The following AKT3 variants were observed in gnomAD, a reference collection of about 807,000 sequenced individuals.
AKT3 encodes the protein RAC-gamma serine/threonine-protein kinase.
A neutral mutation model predicts 65.3 loss-of-function variants in AKT3; 15 were observed. That is an observed-to-expected ratio of 0.23 (90% CI 0.15 to 0.35). The LOEUF is 0.35. Among genes scored for constraint, AKT3 ranks in the 10% least tolerant of loss-of-function variants. The probability of loss-of-function intolerance (pLI) is 1.00; values close to 1 mark genes in which losing one functional copy is unlikely to be tolerated. For synonymous variants in AKT3, 206 were observed against 183.8 expected, an observed-to-expected ratio of 1.12 and a Z score of -0.98; for missense variants, 243 against 576.5, an observed-to-expected ratio of 0.42 and a Z score of 5.92.
intron 4 of AKT3, among the ~76,000 whole-genome samples, chr1:243,664,300 C>T (rs1001082995): frequency 4.9e-5 from 7 of 143,764 alleles, no homozygotes; most frequent in African/African-American, 1.8e-4. Flanking sequence ...GGGTTCATGC[C>T]ATTCTCCTGC....
chr1:243,538,873 C>G (rs1235762435), intron 12 of AKT3, among the ~76,000 whole-genome samples: 4 of 151,176 alleles, frequency 2.6e-5, no homozygotes, highest in Non-Finnish European at 5.9e-5. Flanking sequence ...GTAAATTCAC[C>G]AAGAAAACAA....
chr1:243,621,817 T>C (rs376896102), intron 6 of AKT3, among the ~76,000 whole-genome samples: 4 of 152,270 alleles, frequency 2.6e-5, no homozygotes, highest in South Asian at 4.2e-4. Flanking sequence ...TCCTTTTTTT[T>C]CCCACTCATA....
intron 5 of AKT3, among the ~76,000 whole-genome samples, chr1:243,645,216 A>T (rs1680716599): frequency 6.6e-6 from 1 of 152,214 alleles, no homozygotes; most frequent in Non-Finnish European, 1.5e-5. Context: ...TAAATCAAAC[A>T]TATTCTAAAG....
chr1:243,716,495 T>C (rs1255355312), intron 2 of AKT3, among the ~76,000 whole-genome samples: 1 of 152,192 alleles, frequency 6.6e-6, no homozygotes, highest in Non-Finnish European at 1.5e-5. Context: ...CAGTGGTCTA[T>C]TGATACACTA....
chr1:243,805,592 CATG>C (rs1289831041), intron 2 of AKT3, among the ~76,000 whole-genome samples: 2 of 152,160 alleles, frequency 1.3e-5, no homozygotes, highest in African/African-American at 2.4e-5. Context: ...AAACTGAATT[CATG>C]ATATTTCTTT....
chr1:243,821,328 T>C (rs1693840503), intron 2 of AKT3, among the ~76,000 whole-genome samples: 1 of 151,956 alleles, frequency 6.6e-6, no homozygotes. Context: ...ACTGCAAAAA[T>C]ACACTGAAAT....
intron 2 of AKT3, among the ~76,000 whole-genome samples, chr1:243,788,282 T>A (rs890884173): frequency 6.6e-6 from 1 of 152,190 alleles, no homozygotes; most frequent in Non-Finnish European, 1.5e-5. Context: ...CAGGTTTATA[T>A]AATAGTAGAT....
intron 8 of AKT3, among the ~76,000 whole-genome samples, chr1:243,581,014 T>C (rs747230637): frequency 6.6e-6 from 1 of 152,170 alleles, no homozygotes; most frequent in Non-Finnish European, 1.5e-5. Context: ...CTCTGCTCCA[T>C]GCTCTAGGCA....
chr1:243,768,745 G>C (rs377107746), intron 2 of AKT3, among the ~76,000 whole-genome samples: 79 of 149,484 alleles, frequency 5.3e-4, no homozygotes, highest in African/African-American at 1.8e-3. Context: ...TGAGGCAGGA[G>C]AATCACTTGA....
intron 2 of AKT3, among the ~76,000 whole-genome samples, chr1:243,766,089 T>C (rs946118379): frequency 6.6e-6 from 1 of 152,218 alleles, no homozygotes; most frequent in Admixed American, 6.5e-5. Flanking sequence ...TCAAAACTTA[T>C]TGTAAGTCTG....
intron 2 of AKT3, among the ~76,000 whole-genome samples, chr1:243,819,784 A>C (rs1189197068): frequency 6.6e-6 from 1 of 152,198 alleles, no homozygotes; most frequent in Non-Finnish European, 1.5e-5. Flanking sequence ...GAAATCACAG[A>C]GGAAGGAGTA....
chr1:243,597,626 G>A (rs901004069), intron 8 of AKT3, among the ~76,000 whole-genome samples: 1 of 152,060 alleles, frequency 6.6e-6, no homozygotes, highest in African/African-American at 2.4e-5. Flanking sequence ...TCAGTCTCTC[G>A]AGTAGCTGGG....
chr1:243,643,174 T>C (rs1680569127), intron 5 of AKT3, among the ~76,000 whole-genome samples: 1 of 152,180 alleles, frequency 6.6e-6, no homozygotes, highest in South Asian at 2.1e-4. Flanking sequence ...GCCATTGTTC[T>C]TTTTTTCCTT....
intron 2 of AKT3, among the ~76,000 whole-genome samples, chr1:243,832,772 CAGCACGTTACTGTACTG>C (rs1694621554): frequency 6.6e-6 from 1 of 152,142 alleles, no homozygotes; most frequent in African/African-American, 2.4e-5. Flanking sequence ...GATCTCAGTA[CAGCACGTTACTGTACTG>C]AATACTGTAG....
chr1:243,687,295 A>G (rs1684391450), intron 3 of AKT3: 1 of 152,166 alleles, frequency 6.6e-6, no homozygotes, highest in Admixed American at 6.5e-5. Flanking sequence ...GAAAGTAAAG[A>G]CTGTAACTAA....
chr1:243,571,618 G>C (rs1287597767), intron 9 of AKT3, among the ~76,000 whole-genome samples: 1 of 152,170 alleles, frequency 6.6e-6, no homozygotes, highest in Non-Finnish European at 1.5e-5. Context: ...AGGAAGAGCA[G>C]AGCTAACTAC....
At chr1:243,832,579 G>A (rs373215381) in intron 2 of AKT3, among the ~76,000 whole-genome samples, 10 of 152,164 alleles carry the variant, frequency 6.6e-5, no homozygotes, top group African/African-American at 2.4e-4. Context: ...AAAGCAGGCA[G>A]AAATTGAAGG....
intron 8 of AKT3, among the ~76,000 whole-genome samples, chr1:243,601,481 A>G (rs911717376): frequency 1.3e-5 from 2 of 152,114 alleles, no homozygotes; most frequent in African/African-American, 4.8e-5. Flanking sequence ...GGGAATGCAA[A>G]ATGGTATGGC....
chr1:243,522,402 A>C (rs912231126), intron 12 of AKT3, among the ~76,000 whole-genome samples: 1 of 152,242 alleles, frequency 6.6e-6, no homozygotes, highest in South Asian at 2.1e-4. Flanking sequence ...TCACGCCTAT[A>C]ATTCCAACAA....
Sources: allele counts gnomAD v4.1 joint callset (sites outside exome capture counted in the v4.1 genomes callset), GRCh38; gene constraint gnomAD v4.1.1; transcripts MANE v1.5; gene names NCBI Gene and HGNC (gene_info 2026-07-23, HGNC 2026-07-21).